Variants in FAAH2 observed in about 807,000 individuals in gnomAD.
FAAH2 encodes the protein fatty-acid amide hydrolase 2.
In FAAH2, 60 loss-of-function variants were observed where a neutral mutation model predicts 36.9. The observed-to-expected ratio is 1.63, with a 90% CI of 1.32 to 2.02. The LOEUF is 2.02. Ranked by LOEUF, FAAH2 falls within the 30% of genes most tolerant of loss-of-function variation. The pLI is 0.00. For synonymous variants in FAAH2, 214 were observed against 143.8 expected, an observed-to-expected ratio of 1.49 and a Z score of -3.49; for missense variants, 689 against 397.5, an observed-to-expected ratio of 1.73 and a Z score of -6.23.
intron 2 of FAAH2, among the ~76,000 whole-genome samples, chrX:57,294,123 G>A (rs1292645647): frequency 8.9e-6 from 1 of 111,781 alleles, no homozygotes; most frequent in Non-Finnish European, 1.9e-5. Context: ...AAAGCACCTA[G>A]TATAGAACCT....
In FAAH2 at chrX:57,317,343, C is replaced by T. The variant is rs780912723; in HGVS notation, c.412+6614C>T. ...GAATATTTATCAAGCAAATGTAAAG[C>T]GAAAAAGAGCAGGAGTTGCAATCCT... On this transcript the variant is annotated intron_variant, in intron 3 of 10. Transcript: ENST00000374900. 1.6e-4 allele frequency among the ~76,000 whole-genome samples: 18 copies of T among 111,454 alleles called. No individual in the cohort carries two copies. The East Asian group carries it at 2.3e-3, about 14-fold the overall frequency.
chrX:57,237,175 G>C, the FAAH2 span, among the ~76,000 whole-genome samples: 1 of 111,291 alleles, frequency 9.0e-6, no homozygotes, highest in Non-Finnish European at 1.9e-5. Context: ...TAAGTGTGTA[G>C]AATTAATTTT....
intron 4 of FAAH2, 52 bp from the exon 5 acceptor site, chrX:57,341,219 T>A (rs1034070957): frequency 2.6e-6 from 3 of 1,136,842 alleles, no homozygotes; most frequent in Non-Finnish European, 3.5e-6. Context: ...AGATATTCCA[T>A]GCAAATAGTA....
At chrX:57,130,196 T>C in the FAAH2 span, among the ~76,000 whole-genome samples, 1 of 112,065 alleles carries the variant, frequency 8.9e-6, no homozygotes, top group African/African-American at 3.2e-5. Context: ...GGCATGAAGA[T>C]TGTTTTGTAT....
At chrX:57,190,350 C>T in the FAAH2 span, among the ~76,000 whole-genome samples, 1 of 108,190 alleles carries the variant, frequency 9.2e-6, no homozygotes, top group South Asian at 4.2e-4. Flanking sequence ...GAGTGGGACT[C>T]ACTGAGCAAG....
intron 10 of FAAH2, among the ~76,000 whole-genome samples, chrX:57,464,250 C>T (rs937045482): frequency 9.1e-6 from 1 of 110,204 alleles, no homozygotes. Context: ...ATACCGTGGC[C>T]TATTATGGCA....
chrX:57,355,918 CTT>C (rs2054146888), intron 5 of FAAH2, among the ~76,000 whole-genome samples: 1 of 111,017 alleles, frequency 9.0e-6, no homozygotes, highest in Admixed American at 9.6e-5. Flanking sequence ...TAGCTTTGAA[CTT>C]TTCATATATA....
intron 10 of FAAH2, among the ~76,000 whole-genome samples, chrX:57,484,205 T>C (rs1357004152): frequency 9.0e-6 from 1 of 111,080 alleles, no homozygotes; most frequent in Non-Finnish European, 1.9e-5. Context: ...GGGTATTTCA[T>C]CTCTGTTGTT....
the FAAH2 span, among the ~76,000 whole-genome samples, chrX:57,241,020 C>T: frequency 1.8e-5 from 2 of 111,876 alleles, no homozygotes; most frequent in Non-Finnish European, 3.8e-5. Context: ...GATGGTGCTC[C>T]ACTGCAGCCA....
intron 1 of FAAH2, among the ~76,000 whole-genome samples, chrX:57,292,112 G>A (rs1424104050): frequency 1.8e-5 from 2 of 110,919 alleles, no homozygotes; most frequent in African/African-American, 6.5e-5. Flanking sequence ...CAGAGTTGAT[G>A]TATACTGTTA....
the FAAH2 span, chrX:57,135,916 C>G: frequency 5.0e-6 from 6 of 1,210,043 alleles, no homozygotes; most frequent in South Asian, 1.8e-5. Flanking sequence ...TGGTGAATGA[C>G]CATGCCGATC....
chrX:57,303,976 G>A (rs2052449309), intron 2 of FAAH2, among the ~76,000 whole-genome samples: 2 of 111,525 alleles, frequency 1.8e-5, no homozygotes, highest in South Asian at 3.7e-4. Context: ...AGAGGCTGAG[G>A]CGGGCAGATT....
the FAAH2 span, among the ~76,000 whole-genome samples, chrX:57,220,022 C>T: frequency 5.5e-5 from 6 of 109,404 alleles, no homozygotes; most frequent in African/African-American, 1.7e-4. Flanking sequence ...AAATTCCTTA[C>T]GTCCAGGCCT....
At chrX:57,417,613 G>A (rs960071435) in intron 7 of FAAH2, among the ~76,000 whole-genome samples, 6 of 111,775 alleles carry the variant, frequency 5.4e-5, no homozygotes, top group Admixed American at 9.5e-5. Flanking sequence ...CTTTCTCTCA[G>A]CGGGGCAACT....
chrX:57,204,237 G>T, the FAAH2 span, among the ~76,000 whole-genome samples: 1 of 111,183 alleles, frequency 9.0e-6, no homozygotes, highest in African/African-American at 3.3e-5. Context: ...TTTTGAGGGT[G>T]GTATCCCTCG....
At chrX:57,367,323 T>C (rs1192563788) in intron 5 of FAAH2, among the ~76,000 whole-genome samples, 7 of 112,398 alleles carry the variant, frequency 6.2e-5, no homozygotes, top group Non-Finnish European at 1.1e-4. Flanking sequence ...TTTGTAGTCA[T>C]GTTTCAAAAG....
chrX:57,379,218 A>C (rs945857919), intron 6 of FAAH2, among the ~76,000 whole-genome samples: 2 of 110,961 alleles, frequency 1.8e-5, no homozygotes, highest in East Asian at 5.7e-4. Context: ...GTCATTTCAA[A>C]TTATTTCCAT....
chrX:57,124,579 A>G, the FAAH2 span, among the ~76,000 whole-genome samples: 1 of 111,854 alleles, frequency 8.9e-6, no homozygotes, highest in Admixed American at 9.5e-5. Flanking sequence ...CATTGAATCT[A>G]TAAATTACCT....
At chrX:57,280,312 C>T in the FAAH2 span, among the ~76,000 whole-genome samples, 23 of 110,177 alleles carry the variant, frequency 2.1e-4, no homozygotes, top group Middle Eastern at 4.6e-3. Flanking sequence ...AGAAACAAAA[C>T]GACTGGGCTT....
Sources: allele counts gnomAD v4.1 joint callset (sites outside exome capture counted in the v4.1 genomes callset), GRCh38; gene constraint gnomAD v4.1.1; transcripts MANE v1.5; gene names NCBI Gene and HGNC (gene_info 2026-07-23, HGNC 2026-07-21).